NUP210L: variants seen among roughly 807,000 people sequenced by gnomAD.
NUP210L encodes the protein nuclear pore membrane glycoprotein 210-like.
In NUP210L, 74 loss-of-function variants were observed where a neutral mutation model predicts 208.5. The ratio of observed to expected loss-of-function variants is 0.35; its 90% CI spans 0.29 to 0.43. The LOEUF (loss-of-function observed/expected upper bound fraction) is 0.43, where lower values mean the gene tolerates loss of function less well. NUP210L is among the 20% of genes least tolerant of loss of function. NUP210L has a pLI of 1.00. For synonymous variants in NUP210L, 780 were observed against 816.9 expected (o/e 0.95, Z 0.77); for missense variants, 1,843 against 2,289.4 (o/e 0.81, Z 3.98).
intron 32 of NUP210L, 40 bp from the exon 33 acceptor site, chr1:154,019,109 G>GAT (rs1651417013): frequency 1.2e-6 from 2 of 1,608,144 alleles, no homozygotes; most frequent in African/African-American, 2.7e-5. Flanking sequence ...TGAAGCCTTT[G>GAT]ATATAAATCA....
At chr1:154,061,947 C>A (rs569608049) in intron 17 of NUP210L, among the ~76,000 whole-genome samples, 12 of 152,262 alleles carry the variant, frequency 7.9e-5, no homozygotes, top group African/African-American at 2.6e-4. Flanking sequence ...CCTGCCTCAG[C>A]CTCCCAAGTA....
At chr1:154,004,591 A>C (rs1650402731) in intron 35 of NUP210L, among the ~76,000 whole-genome samples, 1 of 151,330 alleles carries the variant, frequency 6.6e-6, no homozygotes, top group South Asian at 2.1e-4. Flanking sequence ...CCTGACCTCA[A>C]ATGATCTGCC....
chr1:154,022,574 G>T (rs1032171880), intron 31 of NUP210L, among the ~76,000 whole-genome samples: 2 of 150,126 alleles, frequency 1.3e-5, no homozygotes, highest in African/African-American at 4.9e-5. Flanking sequence ...TAATACTCCA[G>T]TTAGCTCCCT....
intron 12 of NUP210L, among the ~76,000 whole-genome samples, chr1:154,111,944 T>C (rs1340944425): frequency 1.3e-5 from 2 of 151,544 alleles, no homozygotes; most frequent in African/African-American, 4.9e-5. Context: ...GTTTTGTTTT[T>C]TCAGATGGAG....
intron 8 of NUP210L, among the ~76,000 whole-genome samples, chr1:154,128,089 C>G (rs1658072236): frequency 6.6e-6 from 1 of 152,044 alleles, no homozygotes. Flanking sequence ...GTCTCGAACT[C>G]CTCAGCTCAA....
chr1:154,112,937 A>G (rs1160601341), intron 12 of NUP210L, among the ~76,000 whole-genome samples: 2 of 151,474 alleles, frequency 1.3e-5, no homozygotes, highest in Non-Finnish European at 2.9e-5. Context: ...CAGGTGGATC[A>G]CCTGAGGTCA....
intron 17 of NUP210L, among the ~76,000 whole-genome samples, chr1:154,062,855 C>G (rs1654214579): frequency 6.6e-6 from 1 of 152,038 alleles, no homozygotes; most frequent in African/African-American, 2.4e-5. Context: ...GCTGGGATTA[C>G]AGGTGTGAGC....
chr1:154,045,584 T>A (rs1653128662), intron 27 of NUP210L, among the ~76,000 whole-genome samples: 1 of 152,192 alleles, frequency 6.6e-6, no homozygotes, highest in African/African-American at 2.4e-5. Context: ...CAAATTTGGA[T>A]TCTTTATTGC....
chr1:154,144,245 G>A (rs572988535), intron 2 of NUP210L, among the ~76,000 whole-genome samples: 1 of 152,112 alleles, frequency 6.6e-6, no homozygotes, highest in East Asian at 1.9e-4. Context: ...TCGTATTAAA[G>A]GATTATACTT....
intron 23 of NUP210L, among the ~76,000 whole-genome samples, chr1:154,055,128 TTTCTTTCTTTCTTTC>T (rs1557943998): frequency 1.1e-4 from 2 of 19,004 alleles, no homozygotes; most frequent in African/African-American, 4.7e-4. Flanking sequence ...CTTTCTTTTC[TTTCTTTCTTTCTTTC>T]TTTCTTTCTT....
chr1:154,073,341 G>C (rs1654861356), intron 16 of NUP210L, among the ~76,000 whole-genome samples: 1 of 151,848 alleles, frequency 6.6e-6, no homozygotes, highest in Non-Finnish European at 1.5e-5. Flanking sequence ...GCCTCCCAAA[G>C]TATGAAACCC....
At chr1:154,142,345 C>T (rs372524561) in intron 3 of NUP210L, among the ~76,000 whole-genome samples, 14 of 152,032 alleles carry the variant, frequency 9.2e-5, no homozygotes, top group African/African-American at 4.8e-5. Flanking sequence ...TGAGCCACCA[C>T]GTCCCACCTA....
rs1227253639 is a variant in NUP210L, at chr1:154,001,939, C to T, written c.4977G>A (p.Leu1659=). The stretch of plus-strand genomic sequence containing the variant: ...TGTCAGCCACACTGAGGGCCTGTAG[C>T]AGCTCCTCTGACTGCGGTCGAACCT... Residue 1659 remains leucine, a synonymous_variant, in exon 36 of 40, where the codon CTG becomes CTA. Coordinates refer to ENST00000368559, the Ensembl canonical transcript of NUP210L. 5.6e-6 allele frequency: 9 copies of T among 1,614,054 alleles called. No individual in the cohort carries two copies. The South Asian group carries it at 6.6e-5, about 12-fold the overall frequency.
chr1:154,152,864 G>GT lies in NUP210L; in HGVS notation c.211dup (p.Thr71AsnfsTer4). The GT allele has an allele frequency of 6.2e-7, 1 of 1,614,012 alleles. No individual in the cohort carries two copies. The highest frequency in any genetic ancestry group is 8.5e-7 in the Non-Finnish European group (1 of 1,179,898). ...CTCAACAGTAACTGCATCATGATGG[G>GT]TGGAATGCCTGCCAGAACAAAATTC... On this transcript the variant is annotated frameshift_variant, in exon 2 of 40. Transcript: ENST00000368559. LOFTEE classifies it high-confidence loss of function.
chr1:154,021,400 T>C (rs945508969), intron 32 of NUP210L, among the ~76,000 whole-genome samples: 3 of 151,830 alleles, frequency 2.0e-5, no homozygotes, highest in Non-Finnish European at 2.9e-5. Flanking sequence ...GGCAGGAGAC[T>C]CGCTTGAACC....
At chr1:154,025,053 T>TGA (rs1339761255) in intron 30 of NUP210L, among the ~76,000 whole-genome samples, 5 of 148,810 alleles carry the variant, frequency 3.4e-5, no homozygotes, top group African/African-American at 1.2e-4. Flanking sequence ...CTCAGCCTCC[T>TGA]GAGTAGCTGG....
intron 3 of NUP210L, among the ~76,000 whole-genome samples, 195 bp downstream of exon 3, chr1:154,143,251 G>T (rs528321098): frequency 6.6e-6 from 1 of 151,630 alleles, no homozygotes; most frequent in East Asian, 1.9e-4. Context: ...ACAATAGCAG[G>T]AATATTTTAT....
intron 5 of NUP210L, among the ~76,000 whole-genome samples, chr1:154,138,723 A>C (rs1658683722): frequency 6.6e-6 from 1 of 152,230 alleles, no homozygotes; most frequent in Non-Finnish European, 1.5e-5. Context: ...TTACCAAAAA[A>C]CATTTGTTTT....
intron 16 of NUP210L, 92 bp from the exon 17 acceptor site, chr1:154,070,557 C>A (rs1654660362): frequency 3.5e-6 from 3 of 866,352 alleles, no homozygotes; most frequent in Non-Finnish European, 3.3e-6. Flanking sequence ...ATCGAGTTTT[C>A]TCTCAATATT....
Sources: gnomAD v4.1 joint callset for allele counts (sites outside exome capture counted in the v4.1 genomes callset) on GRCh38, gnomAD v4.1.1 for gene constraint, MANE v1.5 for transcripts, NCBI Gene and HGNC (gene_info 2026-07-23, HGNC 2026-07-21) for gene names.